MMP28: variants seen among roughly 807,000 people sequenced by gnomAD.
The protein encoded by MMP28 is matrix metalloproteinase-28.
In MMP28, 55 loss-of-function variants were observed where a neutral mutation model predicts 60.5. The ratio of observed to expected loss-of-function variants is 0.91; its 90% CI spans 0.73 to 1.14. The LOEUF is 1.14. MMP28 is among the 50% of genes most tolerant of loss of function. MMP28 has a pLI of 0.00. For synonymous variants in MMP28, 318 were observed against 312.5 expected, an observed-to-expected ratio of 1.02 and a Z score of -0.18; for missense variants, 686 against 738.3, an observed-to-expected ratio of 0.93 and a Z score of 0.82.
chr17:35,767,095 A>G, intron 7 of MMP28: 1 of 714,966 alleles, frequency 1.4e-6, no homozygotes, highest in East Asian at 2.7e-5. Flanking sequence ...TATTGTCTAG[A>G]CTCCCAGCAG....
intron 2 of MMP28, chr17:35,760,825 C>T: frequency 2.4e-6 from 3 of 1,255,592 alleles, no homozygotes; most frequent in Middle Eastern, 4.0e-4. Flanking sequence ...GAGGTTCTAG[C>T]CCCACCCCTT....
At chr17:35,790,705 A>G (rs2086789073) in intron 1 of MMP28, among the ~76,000 whole-genome samples, 1 of 152,110 alleles carries the variant, frequency 6.6e-6, no homozygotes, top group Admixed American at 6.6e-5. Context: ...TAGTCTGTAG[A>G]GGCTGAGTAT....
chr17:35,782,826 T>A (rs960455626), intron 1 of MMP28, among the ~76,000 whole-genome samples: 1 of 152,004 alleles, frequency 6.6e-6, no homozygotes, highest in Non-Finnish European at 1.5e-5. Flanking sequence ...ATTATTTTTT[T>A]TTTTAATTTT....
chr17:35,760,817 G>A (rs1162606802), intron 2 of MMP28: 2 of 1,146,488 alleles, frequency 1.7e-6, no homozygotes, highest in Non-Finnish European at 2.6e-6. Flanking sequence ...GGGCAGGTGA[G>A]GTTCTAGCCC....
chr17:35,787,617 A>G (rs2086689139), intron 1 of MMP28, among the ~76,000 whole-genome samples: 2 of 152,114 alleles, frequency 1.3e-5, no homozygotes, highest in African/African-American at 4.8e-5. Context: ...CAGTCTCCCG[A>G]CTATCTGGGA....
intron 3 of MMP28, among the ~76,000 whole-genome samples, chr17:35,773,870 C>T (rs923077748): frequency 6.6e-6 from 1 of 152,190 alleles, no homozygotes; most frequent in African/African-American, 2.4e-5. Flanking sequence ...GCTGTGACTC[C>T]CCCTGCCCCC....
At chr17:35,765,742 GCACA>G, downstream of MMP28, 4 of 602,610 alleles carry the variant, frequency 6.6e-6, no homozygotes, top group Non-Finnish European at 8.3e-6. Context: ...TCACAGCTCT[GCACA>G]CACACACACA....
At chr17:35,785,392 A>C (rs11870957) in intron 1 of MMP28, among the ~76,000 whole-genome samples, 3,864 of 152,182 alleles carry the variant, frequency 0.025, 168 homozygotes, top group African/African-American at 0.087. Context: ...GTATGTCCTT[A>C]GGTAAGTCCT....
intron 3 of MMP28, among the ~76,000 whole-genome samples, chr17:35,774,627 A>G (rs1555607081): frequency 6.6e-6 from 1 of 152,178 alleles, no homozygotes; most frequent in African/African-American, 2.4e-5. Flanking sequence ...TCTTCTCCTC[A>G]CCAATGCAAG....
chr17:35,774,382 G>A (rs192407147), intron 3 of MMP28, among the ~76,000 whole-genome samples: 1 of 152,314 alleles, frequency 6.6e-6, no homozygotes, highest in East Asian at 1.9e-4. Flanking sequence ...TGTGGTAACT[G>A]AGACCTGAGA....
chr17:35,769,285 TA>T (rs2086044960), intron 5 of MMP28, among the ~76,000 whole-genome samples: 1 of 152,214 alleles, frequency 6.6e-6, no homozygotes, highest in Non-Finnish European at 1.5e-5. Context: ...TAGTAGCTGT[TA>T]GTATTACAGG....
chr17:35,768,520 G>A (rs2086017453), intron 5 of MMP28, 141 bp from the exon 6 acceptor site: 1 of 660,974 alleles, frequency 1.5e-6, no homozygotes, highest in East Asian at 2.8e-5. Context: ...GGGGTTAAGA[G>A]TTGTTCCTGG....
At chr17:35,763,438 CTTTTTTTTTTTTT>C (rs782005643), downstream of MMP28, among the ~76,000 whole-genome samples, 1 of 101,516 alleles carries the variant, frequency 9.9e-6, no homozygotes, top group Non-Finnish European at 1.9e-5. Flanking sequence ...CCATGCCCAG[CTTTTTTTTTTTTT>C]TTTTTTTTTG....
chr17:35,785,535 C>T (rs772347592), intron 1 of MMP28, among the ~76,000 whole-genome samples: 2 of 152,248 alleles, frequency 1.3e-5, no homozygotes, highest in African/African-American at 2.4e-5. Context: ...ACAAGCTCCG[C>T]CTCCCGAGTT....
chr17:35,768,088 G>T, intron 6 of MMP28, 142 bp downstream of exon 6: 1 of 1,283,306 alleles, frequency 7.8e-7, no homozygotes, highest in Non-Finnish European at 1.1e-6. Context: ...TTTGCTGGGT[G>T]TGGGGTTGCT....
At chr17:35,774,268 C>T (rs2086259513) in intron 3 of MMP28, among the ~76,000 whole-genome samples, 1 of 152,140 alleles carries the variant, frequency 6.6e-6, no homozygotes, top group South Asian at 2.1e-4. Context: ...GGCCAGATCC[C>T]GAGTTTCTTG....
intron 5 of MMP28, among the ~76,000 whole-genome samples, chr17:35,768,919 A>C (rs2086033246): frequency 6.6e-6 from 1 of 152,190 alleles, no homozygotes; most frequent in South Asian, 2.1e-4. Context: ...CCTGAGATAA[A>C]ATTGGAGTGG....
intron 1 of MMP28, among the ~76,000 whole-genome samples, chr17:35,787,634 G>T (rs551116897): frequency 2.8e-4 from 43 of 152,260 alleles, no homozygotes; most frequent in Non-Finnish European, 5.7e-4. Context: ...GGGATTACAG[G>T]CGTACACACC....
chr17:35,759,776 A>G (rs1364644846), intron 2 of MMP28, among the ~76,000 whole-genome samples: 1 of 150,056 alleles, frequency 6.7e-6, no homozygotes, highest in Non-Finnish European at 1.5e-5. Context: ...ACCTCTGCAT[A>G]TACCGGTATC....
Sources: allele counts gnomAD v4.1 joint callset (sites outside exome capture counted in the v4.1 genomes callset), GRCh38; gene constraint gnomAD v4.1.1; transcripts MANE v1.5; gene names NCBI Gene and HGNC (gene_info 2026-07-23, HGNC 2026-07-21).